Variants in ELOVL5 observed in about 807,000 individuals in gnomAD.
ELOVL5 encodes the protein very long chain fatty acid elongase 5.
Under a neutral mutation model 38.6 loss-of-function variants are expected in ELOVL5, and 8 were observed. The ratio of observed to expected loss-of-function variants is 0.21; its 90% CI spans 0.12 to 0.37. The LOEUF (loss-of-function observed/expected upper bound fraction) is 0.37, where lower values mean the gene tolerates loss of function less well. ELOVL5 is among the 10% of genes least tolerant of loss of function. The probability of loss-of-function intolerance (pLI) is 1.00; values close to 1 mark genes in which losing one functional copy is unlikely to be tolerated. For missense variants in ELOVL5, 280 were observed against 367.8 expected, an observed-to-expected ratio of 0.76 and a Z score of 1.95; for synonymous variants, 127 against 133.7, an observed-to-expected ratio of 0.95 and a Z score of 0.34.
intron 1 of ELOVL5, among the ~76,000 whole-genome samples, chr6:53,318,435 C>T (rs1386077471): frequency 6.6e-6 from 1 of 152,200 alleles, no homozygotes; most frequent in Non-Finnish European, 1.5e-5. Context: ...TAGCATGGAG[C>T]TTTGCTATTA....
chr6:53,321,406 G>T (rs6899383), intron 1 of ELOVL5, among the ~76,000 whole-genome samples: 1,631 of 152,238 alleles, frequency 0.011, 32 homozygotes, highest in African/African-American at 0.037. Context: ...ACACTTTTAC[G>T]TATTCCTCTA....
Position 53,295,665 on chromosome 6 carries a change from A to G in ELOVL5, c.35T>C (p.Phe12Ser). 1 of 1,601,684 alleles carries G rather than the reference A, an allele frequency of 6.2e-7. No homozygotes were observed. The highest frequency in any genetic ancestry group is 8.5e-7 in the Non-Finnish European group (1 of 1,176,570). The change falls in exon 2 of 8, where the codon TTC becomes TCC. Residue 12 changes from phenylalanine (F) to serine (S), a missense_variant. Around this residue, in one of 3 missense-constraint regions of ELOVL5, gnomAD observed 150 missense variants for 178.0 expected, o/e 0.84. Coordinates refer to ENST00000304434, the MANE Select transcript of ELOVL5 (RefSeq NM_021814.5). ...ACCTCGAGGGCCTAGCAATGCCTTG[A>G]AATAGGTACTAAGTGATGCATCAAA... ...EHFDASLSTYFKALLGPRDTR... is the reference protein window; with the variant it reads ...EHFDASLSTYSKALLGPRDTR...
In ELOVL5 at chr6:53,275,140, G is replaced by A; in HGVS notation, c.446C>T (p.Ser149Leu). 1 of 1,614,078 alleles carries A rather than the reference G, an allele frequency of 6.2e-7. No individual in the cohort carries two copies. Residue 149 changes from serine (S) to leucine (L), a missense_variant, in exon 5 of 8, where the codon TCG becomes TTG. Ser to Leu is a moderately radical substitution (Grantham distance 145). This residue lies in a region of ELOVL5 where 5 missense variants were observed against 30.9 expected (regional missense o/e 0.16). Coordinates refer to ENST00000304434, the MANE Select transcript of ELOVL5 (RefSeq NM_021814.5). ...CACAAACCACCAGATGTTCAGCATC[G>A]AGGCATGGTGGTAGACGTGCAGGAC... ...ITVLHVYHHA[S>L]MLNIWWFVMN...
chr6:53,324,690 A>AC (rs1768455039), intron 1 of ELOVL5, among the ~76,000 whole-genome samples: 1 of 150,054 alleles, frequency 6.7e-6, no homozygotes, highest in Non-Finnish European at 1.5e-5. Context: ...AAAAAAAAAA[A>AC]AGGAAAAGAA....
chr6:53,304,993 T>C (rs1426390117), intron 1 of ELOVL5, among the ~76,000 whole-genome samples: 16 of 149,420 alleles, frequency 1.1e-4, no homozygotes, highest in African/African-American at 4.0e-4. Flanking sequence ...CACTTCCCAG[T>C]AGGGGCGGCC....
At chr6:53,283,207 A>G (rs1766427381) in intron 3 of ELOVL5, among the ~76,000 whole-genome samples, 1 of 152,218 alleles carries the variant, frequency 6.6e-6, no homozygotes, top group Non-Finnish European at 1.5e-5. Context: ...AACACAATCA[A>G]TTCTTACCTA....
At chr6:53,278,110 G>C (rs1766210353) in intron 3 of ELOVL5, among the ~76,000 whole-genome samples, 3 of 152,212 alleles carry the variant, frequency 2.0e-5, no homozygotes. Context: ...CTTCATCAGA[G>C]ATATTTTTGG....
chr6:53,318,089 A>G (rs1201814954), intron 1 of ELOVL5, among the ~76,000 whole-genome samples: 1 of 152,204 alleles, frequency 6.6e-6, no homozygotes, highest in Non-Finnish European at 1.5e-5. Flanking sequence ...CCAAGGTTAC[A>G]CTGAGAGGAG....
chr6:53,319,562 T>G (rs1768214339), intron 1 of ELOVL5, among the ~76,000 whole-genome samples: 2 of 152,208 alleles, frequency 1.3e-5, no homozygotes, highest in Non-Finnish European at 2.9e-5. Context: ...AGGGTTACTT[T>G]AGACATTCAG....
chr6:53,294,522 AC>A, intron 2 of ELOVL5: 1 of 1,537,838 alleles, frequency 6.5e-7, no homozygotes, highest in Non-Finnish European at 8.8e-7. Flanking sequence ...AATGACAAGA[AC>A]AAGGATCCTT....
At chr6:53,273,197 G>A (rs1160340253) in intron 6 of ELOVL5, 23 bp downstream of exon 6, 4 of 1,612,824 alleles carry the variant, frequency 2.5e-6, no homozygotes, top group African/African-American at 2.7e-5. Flanking sequence ...GTAAGTCCTG[G>A]GGAAAGAGGC....
intron 1 of ELOVL5, among the ~76,000 whole-genome samples, chr6:53,304,907 T>C (rs1169025171): frequency 1.3e-5 from 2 of 152,174 alleles, no homozygotes; most frequent in East Asian, 3.9e-4. Flanking sequence ...AAACCACCAT[T>C]GTCATCATGG....
intron 1 of ELOVL5, among the ~76,000 whole-genome samples, chr6:53,343,993 A>G (rs1315440042): frequency 6.6e-6 from 1 of 152,230 alleles, no homozygotes; most frequent in Non-Finnish European, 1.5e-5. Context: ...CAATTCTGTA[A>G]TATTAAAATG....
rs554236292 is a variant in ELOVL5, at chr6:53,267,568, A to G, written c.*1559T>C. The G allele has an allele frequency of 6.5e-6, 1 of 152,800 alleles. No individual in the cohort carries two copies. The highest frequency in any genetic ancestry group is 1.5e-5 in the Non-Finnish European group (1 of 68,046). The allele number at this position is 152,800 out of a possible 1,614,324, so 9.5% of individuals were successfully genotyped here. ...TACCTAGCAATGAAGACATACATTT[A>G]TAAATATACACATTCTAGGTTTGAT... On this transcript the variant is annotated 3_prime_UTR_variant, in exon 8 of 8. Transcript: ENST00000304434.
chr6:53,331,562 T>C (rs1768803629), intron 1 of ELOVL5, among the ~76,000 whole-genome samples: 1 of 152,182 alleles, frequency 6.6e-6, no homozygotes, highest in Non-Finnish European at 1.5e-5. Context: ...GAGGAATTTT[T>C]CAGTTCCATT....
chr6:53,312,388 C>T (rs1015481564), intron 1 of ELOVL5, among the ~76,000 whole-genome samples: 1 of 152,212 alleles, frequency 6.6e-6, no homozygotes, highest in African/African-American at 2.4e-5. Context: ...CTGATACATT[C>T]AACAACCTGA....
At chr6:53,322,312 C>T (rs946782201) in intron 1 of ELOVL5, among the ~76,000 whole-genome samples, 42 of 152,192 alleles carry the variant, frequency 2.8e-4, no homozygotes, top group Admixed American at 1.4e-3. Context: ...AAGACTCTTC[C>T]AGTTGTTTTT....
At chr6:53,283,527 C>T (rs1766442607) in intron 3 of ELOVL5, among the ~76,000 whole-genome samples, 1 of 152,112 alleles carries the variant, frequency 6.6e-6, no homozygotes, top group African/African-American at 2.4e-5. Context: ...TCACTGTCAT[C>T]TAATCTATAT....
chr6:53,280,707 C>G (rs1004443562), intron 3 of ELOVL5, among the ~76,000 whole-genome samples: 1 of 152,224 alleles, frequency 6.6e-6, no homozygotes, highest in Non-Finnish European at 1.5e-5. Flanking sequence ...ATCCTCCTAC[C>G]TCAGCCTCCC....
Sources: allele counts gnomAD v4.1 joint callset (sites outside exome capture counted in the v4.1 genomes callset), GRCh38; gene constraint gnomAD v4.1.1; regional missense constraint gnomAD v4.1.1; transcripts MANE v1.5; gene names NCBI Gene and HGNC (gene_info 2026-07-23, HGNC 2026-07-21).